CCDC91: variants seen among roughly 807,000 people sequenced by gnomAD.
CCDC91 encodes coiled-coil domain containing 91, also known as coiled-coil domain-containing protein 91.
In CCDC91, 48 loss-of-function variants were observed where a neutral mutation model predicts 63.2. The observed-to-expected ratio is 0.76, with a 90% confidence interval of 0.60 to 0.97. CCDC91 has a LOEUF of 0.97. Ranked by LOEUF, CCDC91 falls within the 50% of genes least tolerant of loss-of-function variation. The pLI is 0.00. For synonymous variants in CCDC91, 167 were observed against 165.8 expected (o/e 1.01, Z -0.06); for missense variants, 500 against 494.6 (o/e 1.01, Z -0.10).
chr12:28,417,874 C>G lies in CCDC91; in HGVS notation c.762+26463C>G, dbSNP rs530412099. 5.3e-5 allele frequency among the ~76,000 whole-genome samples: 8 copies of G among 152,096 alleles called. No individual in the cohort carries two copies. In the South Asian group the frequency reaches 1.7e-3, roughly 32 times the overall value. On this transcript the variant is annotated intron_variant, in intron 8 of 12. Coordinates refer to ENST00000536442, the MANE Select transcript of CCDC91 (RefSeq NM_018318.5). Reference sequence around the variant, plus strand: ...TTTAGTATAATACATTTCCAGTGCACCTATGTTGTATATTTATTCATAGTT... The same window carrying G: ...TTTAGTATAATACATTTCCAGTGCAGCTATGTTGTATATTTATTCATAGTT...
rs143644623 is a variant in CCDC91 at position 28,211,787 on chromosome 12, C to T, written c.-15+21146C>T. Among the ~76,000 whole-genome samples the T allele has an allele frequency of 9.1e-3, 1,375 of 151,354 alleles. 16 individuals are homozygous for T. Among genetic ancestry groups the T allele is most frequent in the African/African-American group, 0.032 (1,316 of 41,258 alleles). On this transcript the variant is annotated intron_variant, in intron 1 of 12. Transcript: ENST00000536442. Reference sequence around the variant, plus strand: ...CTTTTTTTTTTTTCTTACCTAAGCACACCAGAAAAATGAAACAAAGGGGTA... The same window carrying T: ...CTTTTTTTTTTTTCTTACCTAAGCATACCAGAAAAATGAAACAAAGGGGTA...
chr12:28,496,294 C>G (rs920238028), intron 12 of CCDC91, among the ~76,000 whole-genome samples: 2 of 151,640 alleles, frequency 1.3e-5, no homozygotes, highest in Non-Finnish European at 3.0e-5. Context: ...TTCCATCCCC[C>G]AAATTTGGAT....
intron 7 of CCDC91, among the ~76,000 whole-genome samples, chr12:28,384,193 T>G (rs1945462951): frequency 6.6e-6 from 1 of 152,106 alleles, no homozygotes; most frequent in Non-Finnish European, 1.5e-5. Context: ...AAATGTATAT[T>G]AATAGACAAA....
intron 12 of CCDC91, among the ~76,000 whole-genome samples, chr12:28,512,706 C>T (rs1276214689): frequency 2.0e-5 from 3 of 151,834 alleles, no homozygotes; most frequent in African/African-American, 4.8e-5. Context: ...GTTTGCCAGC[C>T]CCTGGTGTAT....
chr12:28,245,782 C>G (rs1409277316), intron 1 of CCDC91, among the ~76,000 whole-genome samples: 1 of 152,084 alleles, frequency 6.6e-6, no homozygotes, highest in East Asian at 1.9e-4. Flanking sequence ...CCATTTAAAA[C>G]CAAGTGTCAG....
chr12:28,493,020 T>G (rs757980657), intron 12 of CCDC91, among the ~76,000 whole-genome samples: 3 of 151,666 alleles, frequency 2.0e-5, no homozygotes, highest in Non-Finnish European at 2.9e-5. Context: ...AAATTTAAGT[T>G]GTTTAAGTAA....
chr12:28,392,647 T>C (rs1321062939), intron 8 of CCDC91, among the ~76,000 whole-genome samples: 1 of 152,204 alleles, frequency 6.6e-6, no homozygotes, highest in African/African-American at 2.4e-5. Context: ...ATAGCACAAA[T>C]ATACCACATT....
intron 11 of CCDC91, among the ~76,000 whole-genome samples, chr12:28,474,885 C>G (rs1227128897): frequency 1.3e-5 from 2 of 152,030 alleles, no homozygotes; most frequent in East Asian, 1.9e-4. Context: ...AACTGCTCAC[C>G]TACATGGAAA....
At chr12:28,298,763 T>C (rs1937708599) in intron 3 of CCDC91, among the ~76,000 whole-genome samples, 1 of 140,048 alleles carries the variant, frequency 7.1e-6, no homozygotes, top group African/African-American at 2.6e-5. Flanking sequence ...CAAAAAATTG[T>C]GTGTGCTTGT....
At chr12:28,253,261 C>T (rs1001945635) in intron 1 of CCDC91, among the ~76,000 whole-genome samples, 1 of 152,114 alleles carries the variant, frequency 6.6e-6, no homozygotes, top group African/African-American at 2.4e-5. Flanking sequence ...GAGGTTTCAG[C>T]CCAGCCGCTG....
chr12:28,396,521 A>G (rs1246175893), intron 8 of CCDC91, among the ~76,000 whole-genome samples: 2 of 152,056 alleles, frequency 1.3e-5, no homozygotes, highest in Non-Finnish European at 2.9e-5. Flanking sequence ...TGGTAGCCCA[A>G]ACTAAAGTGT....
intron 3 of CCDC91, among the ~76,000 whole-genome samples, chr12:28,302,181 T>C (rs1446041863): frequency 6.6e-6 from 1 of 152,040 alleles, no homozygotes; most frequent in African/African-American, 2.4e-5. Flanking sequence ...TCCCATATAT[T>C]GTTATGCAAT....
chr12:28,226,893 G>A (rs1871152), intron 1 of CCDC91, among the ~76,000 whole-genome samples: 105,826 of 151,846 alleles, frequency 0.7, 37,292 homozygotes, highest in East Asian at 0.95. Context: ...CCTGGCTGTG[G>A]TGGTTTCTTA....
intron 6 of CCDC91, among the ~76,000 whole-genome samples, chr12:28,315,169 A>G (rs1217180878): frequency 6.6e-6 from 1 of 151,068 alleles, no homozygotes; most frequent in East Asian, 1.9e-4. Flanking sequence ...ATATATATAT[A>G]TATTTTTGTT....
intron 12 of CCDC91, among the ~76,000 whole-genome samples, chr12:28,488,262 C>T (rs1216123798): frequency 6.6e-6 from 1 of 151,732 alleles, no homozygotes; most frequent in Non-Finnish European, 1.5e-5. Context: ...GTCTAAACAT[C>T]TTAGGACAAA....
At chr12:28,438,593 A>G (rs1200749996) in intron 8 of CCDC91, among the ~76,000 whole-genome samples, 1 of 152,170 alleles carries the variant, frequency 6.6e-6, no homozygotes, top group Non-Finnish European at 1.5e-5. Flanking sequence ...ATTTATTTCA[A>G]ATGCCCATTT....
At chr12:28,194,016 G>C (rs1941513365) in intron 1 of CCDC91, among the ~76,000 whole-genome samples, 1 of 152,184 alleles carries the variant, frequency 6.6e-6, no homozygotes, top group Admixed American at 6.5e-5. Context: ...TTTCTTAACA[G>C]TATCTTTCAA....
At chr12:28,300,095 T>G (rs1157440816) in intron 3 of CCDC91, among the ~76,000 whole-genome samples, 2 of 151,488 alleles carry the variant, frequency 1.3e-5, no homozygotes, top group African/African-American at 4.8e-5. Flanking sequence ...CAGTCTTTCC[T>G]TGTGTTGTAT....
chr12:28,392,599 A>G (rs1946019991), intron 8 of CCDC91, among the ~76,000 whole-genome samples: 2 of 152,222 alleles, frequency 1.3e-5, no homozygotes, highest in East Asian at 1.9e-4. Flanking sequence ...AGAGCCTACT[A>G]TGAACTTAGA....
Sources: gnomAD v4.1 joint callset for allele counts (sites outside exome capture counted in the v4.1 genomes callset) on GRCh38, gnomAD v4.1.1 for gene constraint, MANE v1.5 for transcripts, NCBI Gene and HGNC (gene_info 2026-07-23, HGNC 2026-07-21) for gene names.